The following HERPUD2 variants were observed in gnomAD, a reference collection of about 807,000 sequenced individuals.
The protein encoded by HERPUD2 is homocysteine-responsive endoplasmic reticulum-resident ubiquitin-like domain member 2 protein.
In HERPUD2, 13 loss-of-function variants were observed where a neutral mutation model predicts 49.9. The ratio of observed to expected loss-of-function variants is 0.26; its 90% confidence interval spans 0.17 to 0.41. HERPUD2 has a LOEUF of 0.41. Ranked by LOEUF, HERPUD2 falls within the 10% of genes least tolerant of loss-of-function variation. The probability of loss-of-function intolerance (pLI) is 1.00; values close to 1 mark genes in which losing one functional copy is unlikely to be tolerated. For synonymous variants in HERPUD2, 172 were observed against 171.4 expected, an observed-to-expected ratio of 1.00 and a Z score of -0.03; for missense variants, 449 against 492.2, an observed-to-expected ratio of 0.91 and a Z score of 0.83.
At chr7:35,648,990 G>C (rs1021994994) in intron 5 of HERPUD2, among the ~76,000 whole-genome samples, 1 of 152,124 alleles carries the variant, frequency 6.6e-6, no homozygotes, top group Admixed American at 6.6e-5. Context: ...AGTGGCTCAC[G>C]CCTGTAATCC....
intron 5 of HERPUD2, among the ~76,000 whole-genome samples, chr7:35,647,535 A>G (rs1785078258): frequency 6.6e-6 from 1 of 152,206 alleles, no homozygotes; most frequent in Non-Finnish European, 1.5e-5. Flanking sequence ...TTGCTCACAC[A>G]GTCACCAATA....
intron 5 of HERPUD2, among the ~76,000 whole-genome samples, chr7:35,663,659 GC>G (rs1785477146): frequency 6.6e-6 from 1 of 152,064 alleles, no homozygotes; most frequent in Non-Finnish European, 1.5e-5. Context: ...TTATGTAATG[GC>G]CTTTTGTCTC....
intron 2 of HERPUD2, among the ~76,000 whole-genome samples, chr7:35,689,036 A>G (rs1292683416): frequency 2.6e-5 from 4 of 152,230 alleles, no homozygotes; most frequent in Non-Finnish European, 5.9e-5. Flanking sequence ...GCAAAGTCAG[A>G]GCAGTTAAAT....
At chr7:35,684,579 A>G (rs1288227566) in intron 2 of HERPUD2, among the ~76,000 whole-genome samples, 1 of 152,160 alleles carries the variant, frequency 6.6e-6, no homozygotes. Context: ...AAAAGAACGA[A>G]TTAATGGCAT....
intron 2 of HERPUD2, among the ~76,000 whole-genome samples, chr7:35,689,726 A>T (rs1003574930): frequency 6.6e-6 from 1 of 152,236 alleles, no homozygotes; most frequent in Non-Finnish European, 1.5e-5. Context: ...GGTAGATAAG[A>T]AAATGACTGC....
intron 5 of HERPUD2, among the ~76,000 whole-genome samples, chr7:35,659,226 G>A (rs1218816212): frequency 1.3e-5 from 2 of 152,150 alleles, no homozygotes; most frequent in African/African-American, 2.4e-5. Flanking sequence ...AAAGTATAAA[G>A]CCTTCATCAG....
intron 5 of HERPUD2, among the ~76,000 whole-genome samples, chr7:35,644,653 G>C (rs1467742055): frequency 6.6e-6 from 1 of 152,064 alleles, no homozygotes; most frequent in Non-Finnish European, 1.5e-5. Flanking sequence ...TATAGTCCCA[G>C]CTACTCAGGA....
intron 2 of HERPUD2, among the ~76,000 whole-genome samples, chr7:35,690,372 A>G (rs1786151455): frequency 6.6e-6 from 1 of 152,262 alleles, no homozygotes; most frequent in Non-Finnish European, 1.5e-5. Context: ...ATTTTCACAA[A>G]TATGGCAACT....
chr7:35,682,158 C>T (rs1351044167), intron 2 of HERPUD2, among the ~76,000 whole-genome samples: 1 of 151,720 alleles, frequency 6.6e-6, no homozygotes, highest in African/African-American at 2.4e-5. Flanking sequence ...CCCACCCCAG[C>T]CTCCTGAGTA....
At chr7:35,680,741 C>G (rs1199364551) in intron 2 of HERPUD2, among the ~76,000 whole-genome samples, 3 of 152,228 alleles carry the variant, frequency 2.0e-5, no homozygotes, top group Non-Finnish European at 4.4e-5. Context: ...TACAAATCTA[C>G]AGTAGAGTAT....
At chr7:35,653,381 C>T (rs1209545682) in intron 5 of HERPUD2, among the ~76,000 whole-genome samples, 1 of 152,092 alleles carries the variant, frequency 6.6e-6, no homozygotes, top group African/African-American at 2.4e-5. Flanking sequence ...TATAACAATT[C>T]TAAACATAAA....
At chr7:35,688,321 T>C (rs894199477) in intron 2 of HERPUD2, among the ~76,000 whole-genome samples, 48 of 152,188 alleles carry the variant, frequency 3.2e-4, no homozygotes, top group African/African-American at 1.0e-3. Context: ...CCTTATCTCC[T>C]TGCAGTAACA....
At chr7:35,681,466 C>T (rs34597688) in intron 2 of HERPUD2, among the ~76,000 whole-genome samples, 3,595 of 152,144 alleles carry the variant, frequency 0.024, 66 homozygotes, top group Non-Finnish European at 0.036. Flanking sequence ...AGTTCCATTG[C>T]TAGGTACATA....
chr7:35,693,870 T>C (rs1446230070), intron 2 of HERPUD2, among the ~76,000 whole-genome samples: 1 of 152,186 alleles, frequency 6.6e-6, no homozygotes. Flanking sequence ...ACTCCTGACC[T>C]CGTGATCCGC....
chr7:35,694,086 T>G, intron 2 of HERPUD2, 98 bp downstream of exon 2: 2 of 1,306,846 alleles, frequency 1.5e-6, no homozygotes, highest in Non-Finnish European at 2.2e-6. Context: ...AAGAGACCTA[T>G]TTGATTCAAG....
intron 5 of HERPUD2, among the ~76,000 whole-genome samples, chr7:35,653,472 G>C (rs1271456373): frequency 6.6e-6 from 1 of 152,166 alleles, no homozygotes; most frequent in Non-Finnish European, 1.5e-5. Context: ...AATACAATAA[G>C]TGCTAGGGAC....
At chr7:35,673,392 A>G (rs1027753912) in intron 2 of HERPUD2, 114 bp from the exon 3 acceptor site, 5 of 714,454 alleles carry the variant, frequency 7.0e-6, no homozygotes, top group African/African-American at 3.6e-5. Context: ...ACAAGTAAGC[A>G]GAAAACTGAC....
chr7:35,648,887 C>T lies in HERPUD2; in HGVS notation c.495-10415G>A, dbSNP rs377528611. Among the ~76,000 whole-genome samples the T allele has an allele frequency of 5.3e-4, 81 of 152,316 alleles. No individual in the cohort carries two copies. The South Asian group carries it at 7.1e-3, about 13-fold the overall frequency. On this transcript the variant is annotated intron_variant, in intron 5 of 8. Transcript: ENST00000311350. ...TAGCATGCAGCAAAACTAACTAATACGCTCTCCATCAATATATGTGTGAAC... is the reference window on the plus strand; with the variant it reads ...TAGCATGCAGCAAAACTAACTAATATGCTCTCCATCAATATATGTGTGAAC...
At chr7:35,681,061 G>GA (rs1443130934) in intron 2 of HERPUD2, among the ~76,000 whole-genome samples, 1 of 152,140 alleles carries the variant, frequency 6.6e-6, no homozygotes, top group Non-Finnish European at 1.5e-5. Context: ...TTCAGTCTAT[G>GA]AATCACAACA....
Sources: allele counts gnomAD v4.1 joint callset (sites outside exome capture counted in the v4.1 genomes callset), GRCh38; gene constraint gnomAD v4.1.1; transcripts MANE v1.5; gene names NCBI Gene and HGNC (gene_info 2026-07-23, HGNC 2026-07-21).